DMD: variants seen among roughly 807,000 people sequenced by gnomAD.
The protein encoded by DMD is mutant dystrophin.
Under a neutral mutation model 330.1 loss-of-function variants are expected in DMD, and 63 were observed. The observed-to-expected ratio is 0.19, with a 90% CI of 0.16 to 0.24. The LOEUF is 0.24. Among genes scored for constraint, DMD ranks in the 10% least tolerant of loss-of-function variants. The probability of loss-of-function intolerance (pLI) is 1.00; values close to 1 mark genes in which losing one functional copy is unlikely to be tolerated. For synonymous variants in DMD, 1,223 were observed against 959.8 expected, an observed-to-expected ratio of 1.27 and a Z score of -5.07; for missense variants, 3,344 against 2,684.1, an observed-to-expected ratio of 1.25 and a Z score of -5.43.
chrX:31,346,736 C>T (rs1200600814), intron 61 of DMD, among the ~76,000 whole-genome samples: 3 of 109,506 alleles, frequency 2.7e-5, no homozygotes, highest in East Asian at 5.7e-4. Flanking sequence ...ACAAGGCTCA[C>T]GAATGTAATC....
intron 44 of DMD, among the ~76,000 whole-genome samples, chrX:32,075,885 C>G (rs1396988973): frequency 1.9e-5 from 2 of 106,866 alleles, no homozygotes; most frequent in Non-Finnish European, 3.9e-5. Context: ...CCCGTCTCCA[C>G]TAAAGATACA....
chrX:32,753,700 T>C (rs2071118051), intron 7 of DMD, among the ~76,000 whole-genome samples: 1 of 112,444 alleles, frequency 8.9e-6, no homozygotes, highest in African/African-American at 3.2e-5. Flanking sequence ...TACTACATTA[T>C]ACTATACTTT....
At chrX:31,143,400 T>G (rs1425900268) in intron 76 of DMD, among the ~76,000 whole-genome samples, 3 of 111,587 alleles carry the variant, frequency 2.7e-5, no homozygotes, top group African/African-American at 9.8e-5. Flanking sequence ...CCCCCATGAT[T>G]GTAAGTTTCC....
chrX:31,608,340 CAT>C (rs981484746), intron 55 of DMD, among the ~76,000 whole-genome samples: 8 of 111,433 alleles, frequency 7.2e-5, no homozygotes, highest in Non-Finnish European at 1.3e-4. Flanking sequence ...GGCGGTAACA[CAT>C]GTTACTTACA....
intron 55 of DMD, among the ~76,000 whole-genome samples, chrX:31,585,539 C>CA (rs1181091596): frequency 9.5e-6 from 1 of 105,356 alleles, no homozygotes; most frequent in East Asian, 3.0e-4. Flanking sequence ...ACTCCCAAAC[C>CA]AACCACAAAG....
intron 55 of DMD, among the ~76,000 whole-genome samples, chrX:31,510,103 G>T (rs779949271): frequency 8.9e-6 from 1 of 111,824 alleles, no homozygotes; most frequent in Non-Finnish European, 1.9e-5. Context: ...TACAGTAAAG[G>T]GCTTTACAGG....
chrX:32,397,556 T>A (rs988679254), intron 30 of DMD, among the ~76,000 whole-genome samples: 1 of 111,895 alleles, frequency 8.9e-6, no homozygotes, highest in African/African-American at 3.2e-5. Context: ...AAAAAGGCAT[T>A]TGAGCATGCA....
chrX:33,283,397 G>C (rs901476815), intron 1 of DMD, among the ~76,000 whole-genome samples: 2 of 110,028 alleles, frequency 1.8e-5, no homozygotes, highest in Non-Finnish European at 3.8e-5. Context: ...AAAATTAGCC[G>C]AGCGTGGTGG....
intron 34 of DMD, among the ~76,000 whole-genome samples, chrX:32,366,312 T>A (rs772229347): frequency 8.9e-6 from 1 of 111,992 alleles, no homozygotes; most frequent in East Asian, 2.8e-4. Flanking sequence ...TAGCCAGCTG[T>A]GGGACATTCA....
chrX:31,925,482 G>T (rs1412188478), intron 47 of DMD, among the ~76,000 whole-genome samples: 1 of 111,833 alleles, frequency 8.9e-6, no homozygotes, highest in Non-Finnish European at 1.9e-5. Context: ...TGAAAGAGAT[G>T]AAACTGGGAT....
intron 44 of DMD, among the ~76,000 whole-genome samples, chrX:32,116,931 C>T (rs1302529946): frequency 2.7e-5 from 3 of 111,997 alleles, no homozygotes; most frequent in Non-Finnish European, 5.6e-5. Flanking sequence ...TGAGCTCCCA[C>T]ATACTTCTCT....
rs180769000 is a variant in DMD, at chrX:32,309,429, T to C, written c.6117+653A>G. On this transcript the variant is annotated intron_variant, in intron 42 of 78. Transcript: ENST00000357033. ...GAGACACATTATTATGTGCATTTTC[T>C]TGATCCTACATTCATTTATCTTCAG... 2.7e-5 allele frequency among the ~76,000 whole-genome samples: 3 copies of C among 111,235 alleles called. No homozygotes were observed. The East Asian group carries it at 8.5e-4, about 32-fold the overall frequency.
At chrX:32,809,392 A>C in intron 7 of DMD, 101 bp downstream of exon 7, 1 of 694,447 alleles carries the variant, frequency 1.4e-6, no homozygotes, top group Non-Finnish European at 2.3e-6. Context: ...TGGAAAACTT[A>C]AGATATGTAG....
intron 2 of DMD, among the ~76,000 whole-genome samples, chrX:32,967,104 A>G (rs1427493613): frequency 1.8e-5 from 2 of 111,805 alleles, no homozygotes; most frequent in Non-Finnish European, 3.8e-5. Flanking sequence ...CCTATTCACT[A>G]ACTGGTGATG....
intron 11 of DMD, among the ~76,000 whole-genome samples, chrX:32,619,321 G>A (rs1351162204): frequency 9.0e-6 from 1 of 111,018 alleles, no homozygotes; most frequent in Admixed American, 9.6e-5. Flanking sequence ...TATGGGGAAG[G>A]GGGAGGTATG....
Position 32,474,417 on chromosome X carries a change from T to C in DMD, c.2804-2108A>G, listed in dbSNP as rs753138448. 8.9e-5 allele frequency among the ~76,000 whole-genome samples: 10 copies of C among 111,785 alleles called. No individual in the cohort carries two copies. In the East Asian group the frequency reaches 2.8e-3, roughly 32 times the overall value. ...TTGCTGGATCGAGTGGTAGTTCTAC[T>C]TTTAGTTAAGGAATCTCCACACTCT... On this transcript the variant is annotated intron_variant, in intron 21 of 78. Coordinates refer to ENST00000357033, the MANE Select transcript of DMD (RefSeq NM_004006.3).
At chrX:31,207,353 A>G (rs999461789) in intron 65 of DMD, among the ~76,000 whole-genome samples, 16 of 102,387 alleles carry the variant, frequency 1.6e-4, no homozygotes, top group Middle Eastern at 4.5e-3. Flanking sequence ...CTATATTTGC[A>G]TATAGAAAAC....
chrX:32,966,774 G>T (rs1332766548), intron 2 of DMD, among the ~76,000 whole-genome samples: 1 of 111,818 alleles, frequency 8.9e-6, no homozygotes, highest in Non-Finnish European at 1.9e-5. Flanking sequence ...GGTGAGAAAG[G>T]TTCTGGGAGA....
intron 47 of DMD, among the ~76,000 whole-genome samples, chrX:31,905,641 A>T (rs1370378458): frequency 9.1e-6 from 1 of 110,429 alleles, no homozygotes; most frequent in Non-Finnish European, 1.9e-5. Context: ...GGCAACAGAG[A>T]CGAGATGGGG....
Sources: gnomAD v4.1 joint callset for allele counts (sites outside exome capture counted in the v4.1 genomes callset) on GRCh38, gnomAD v4.1.1 for gene constraint, MANE v1.5 for transcripts, NCBI Gene and HGNC (gene_info 2026-07-23, HGNC 2026-07-21) for gene names.